Variants in NR5A2 observed in about 807,000 individuals in gnomAD.
NR5A2 encodes CYP7A promoter-binding factor.
NR5A2 carries 26 observed loss-of-function variants against 62.7 expected under a neutral mutation model. The ratio of observed to expected loss-of-function variants is 0.41; its 90% CI spans 0.30 to 0.58. The LOEUF is 0.58. Ranked by LOEUF, NR5A2 falls within the 20% of genes least tolerant of loss-of-function variation. NR5A2 has a pLI of 0.22. For synonymous variants in NR5A2, 246 were observed against 241.7 expected (o/e 1.02, Z -0.16); for missense variants, 541 against 669.1 (o/e 0.81, Z 2.11).
chr1:200,132,480 T>A (rs1447279987), intron 7 of NR5A2, among the ~76,000 whole-genome samples: 2 of 152,202 alleles, frequency 1.3e-5, no homozygotes, highest in Non-Finnish European at 2.9e-5. Context: ...TTCTTTCTGT[T>A]CCTTGTTTTC....
intron 5 of NR5A2, among the ~76,000 whole-genome samples, chr1:200,091,261 G>A (rs887847835): frequency 2.0e-5 from 3 of 152,108 alleles, no homozygotes; most frequent in African/African-American, 7.2e-5. Flanking sequence ...TATTTATTGA[G>A]CTCAAGCCTT....
intron 5 of NR5A2, among the ~76,000 whole-genome samples, chr1:200,068,860 T>C (rs1342082981): frequency 6.6e-6 from 1 of 152,198 alleles, no homozygotes; most frequent in African/African-American, 2.4e-5. Flanking sequence ...ATGATGATAT[T>C]TTAAAATTTG....
rs1356889626 is a variant in NR5A2 at position 200,041,010 on chromosome 1, G to T, written c.202+1215G>T. ...GTGGGTCTGGCTGCTATGGGAACCC[G>T]GTTGGTCCAAAGAAGCCTTTCTTCC... is the stretch of plus-strand genomic sequence containing the variant. On this transcript the variant is annotated intron_variant, in intron 2 of 7. Coordinates refer to ENST00000367362, the MANE Select transcript of NR5A2 (RefSeq NM_205860.3). 1.3e-5 allele frequency among the ~76,000 whole-genome samples: 2 copies of T among 152,290 alleles called. 1 individual carries two copies. Among genetic ancestry groups the T allele is most frequent in the South Asian group, 4.1e-4 (2 of 4,824 alleles).
intron 5 of NR5A2, among the ~76,000 whole-genome samples, chr1:200,063,026 G>A (rs965157902): frequency 4.7e-5 from 7 of 149,982 alleles, no homozygotes; most frequent in East Asian, 3.9e-4. Context: ...TCACTTTGGC[G>A]TGTTTTTTTT....
At chr1:200,133,584 T>TAC (rs1321727810) in intron 7 of NR5A2, among the ~76,000 whole-genome samples, 11 of 127,184 alleles carry the variant, frequency 8.6e-5, no homozygotes, top group African/African-American at 3.1e-4. Flanking sequence ...CACATATATA[T>TAC]ACACATATAT....
At chr1:200,092,279 A>G (rs1040968638) in intron 5 of NR5A2, among the ~76,000 whole-genome samples, 2 of 152,216 alleles carry the variant, frequency 1.3e-5, no homozygotes, top group African/African-American at 4.8e-5. Flanking sequence ...TAGTAACTCT[A>G]CAAGACCTCC....
rs74136128 is a variant in NR5A2, at chr1:200,158,578, A to G, written c.1379-15385A>G. 2.5e-3 allele frequency among the ~76,000 whole-genome samples: 387 copies of G among 152,310 alleles called. 1 individual carries two copies. Among genetic ancestry groups the G allele is most frequent in the African/African-American group, 8.2e-3 (340 of 41,576 alleles). On this transcript the variant is annotated intron_variant, in intron 7 of 7. Coordinates refer to ENST00000367362, the MANE Select transcript of NR5A2 (RefSeq NM_205860.3). ...ATAGAATTTATTTTTCATCAGTTAC[A>G]TACTCAAAGGCTAAAACAGGAAGGC... is the stretch of plus-strand genomic sequence containing the variant.
intron 7 of NR5A2, among the ~76,000 whole-genome samples, chr1:200,125,720 A>C (rs529010282): frequency 2.6e-5 from 4 of 152,386 alleles, no homozygotes; most frequent in South Asian, 2.1e-4. Flanking sequence ...CATCTAAGCA[A>C]GTACTATAAT....
intron 7 of NR5A2, among the ~76,000 whole-genome samples, chr1:200,158,596 A>G (rs905530677): frequency 3.3e-5 from 5 of 152,328 alleles, no homozygotes; most frequent in Admixed American, 1.3e-4. Flanking sequence ...AGGCTAAAAC[A>G]GGAAGGCATT....
intron 5 of NR5A2, among the ~76,000 whole-genome samples, chr1:200,065,529 A>C (rs1663428088): frequency 6.6e-6 from 1 of 152,242 alleles, no homozygotes; most frequent in Admixed American, 6.5e-5. Context: ...CTTCCAGTAT[A>C]TGCACACATC....
In NR5A2 at chr1:200,148,987, A is replaced by C. The variant is rs529306349; in HGVS notation, c.1379-24976A>C. On this transcript the variant is annotated intron_variant, in intron 7 of 7. Coordinates refer to ENST00000367362, the MANE Select transcript of NR5A2 (RefSeq NM_205860.3). ...GAGTGCAGTGGCACAATCTCAACTT[A>C]AAACAACCAACAACTCTTGGGTTCA... Among the ~76,000 whole-genome samples the C allele has an allele frequency of 3.3e-5, 5 of 150,422 alleles. No individual in the cohort carries two copies. The South Asian group carries it at 1.0e-3, about 32-fold the overall frequency.
Position 200,048,730 on chromosome 1 carries a change from C to T in NR5A2, c.1022C>T (p.Thr341Ile). The T allele has an allele frequency of 6.2e-7, 1 of 1,614,172 alleles. No homozygotes were observed. Among genetic ancestry groups the T allele is most frequent in the Non-Finnish European group, 8.5e-7 (1 of 1,180,036 alleles). The change falls in exon 5 of 8, where the codon ACC becomes ATC. Residue 341 changes from threonine to isoleucine, a missense_variant. Thr to Ile is a moderately conservative substitution (Grantham distance 89). Around this residue, in one of 3 missense-constraint regions of NR5A2, gnomAD observed 379 missense variants for 442.0 expected, o/e 0.86. Transcript: ENST00000367362. The surrounding 1 kb of genome is among the most constrained non-coding windows in gnomAD (Gnocchi z 4.8). ...ANRSKHEKLS[T>I]FGLMCKMADQ... The stretch of plus-strand genomic sequence containing the variant: ...CGAAGCAAGCACGAAAAGCTGAGCA[C>T]CTTTGGGCTTATGTGCAAAATGGCA...
chr1:200,135,861 G>T (rs781021952), intron 7 of NR5A2, among the ~76,000 whole-genome samples: 5 of 152,118 alleles, frequency 3.3e-5, no homozygotes, highest in Non-Finnish European at 7.4e-5. Context: ...GCTGCTTATC[G>T]GGAAATGCCT....
chr1:200,090,807 A>G (rs1009984849), intron 5 of NR5A2, among the ~76,000 whole-genome samples: 3 of 152,156 alleles, frequency 2.0e-5, no homozygotes, highest in African/African-American at 7.2e-5. Context: ...TCTCTAGGTA[A>G]CTGACAAACA....
At chr1:200,136,206 T>G (rs1258953933) in intron 7 of NR5A2, among the ~76,000 whole-genome samples, 1 of 151,728 alleles carries the variant, frequency 6.6e-6, no homozygotes, top group Non-Finnish European at 1.5e-5. Context: ...GCTAGGAAGC[T>G]CTTCACTTTT....
intron 7 of NR5A2, among the ~76,000 whole-genome samples, chr1:200,152,109 A>G (rs982216064): frequency 6.6e-6 from 1 of 152,220 alleles, no homozygotes; most frequent in Non-Finnish European, 1.5e-5. Flanking sequence ...GAGACTGCTG[A>G]AAAAGAGAAT....
intron 1 of NR5A2, among the ~76,000 whole-genome samples, chr1:200,028,549 T>A (rs1427771758): frequency 2.0e-5 from 3 of 152,176 alleles, no homozygotes; most frequent in Non-Finnish European, 4.4e-5. Context: ...ATAAAGCTAC[T>A]ATTCATTTAA....
chr1:200,166,114 G>A (rs1653887748), intron 7 of NR5A2, among the ~76,000 whole-genome samples: 1 of 152,160 alleles, frequency 6.6e-6, no homozygotes, highest in Admixed American at 6.5e-5. Context: ...TCTTCAGTGT[G>A]ACAGAGACCA....
chr1:200,146,609 A>T (rs1490215740), intron 7 of NR5A2, among the ~76,000 whole-genome samples: 1 of 152,252 alleles, frequency 6.6e-6, no homozygotes, highest in Non-Finnish European at 1.5e-5. Context: ...TAAACATTAA[A>T]TAAAATTAAA....
Sources: gnomAD v4.1 joint callset for allele counts (sites outside exome capture counted in the v4.1 genomes callset) on GRCh38, gnomAD v4.1.1 for gene constraint, gnomAD v4.1.1 regional missense constraint, Gnocchi (gnomAD v3.1) non-coding constraint, MANE v1.5 for transcripts, NCBI Gene and HGNC (gene_info 2026-07-23, HGNC 2026-07-21) for gene names.